Variants in BCAS3 observed in about 807,000 individuals in gnomAD.
BCAS3 encodes the protein BCAS4/BCAS3 fusion.
A neutral mutation model predicts 116.1 loss-of-function variants in BCAS3; 53 were observed. The ratio of observed to expected loss-of-function variants is 0.46; its 90% confidence interval spans 0.37 to 0.57. BCAS3 has a LOEUF of 0.57. BCAS3 is among the 20% of genes least tolerant of loss of function. The pLI is 0.00. For synonymous variants in BCAS3, 391 were observed against 408.2 expected (o/e 0.96, Z 0.51); for missense variants, 917 against 1,165.4 (o/e 0.79, Z 3.10).
chr17:60,988,338 C>CTTTTTTTTTTTTTTTTTTTTTTTTTGT (rs71148317), intron 14 of BCAS3, among the ~76,000 whole-genome samples: 1 of 66,784 alleles, frequency 1.5e-5, no homozygotes, highest in African/African-American at 5.1e-5. Context: ...TTTTCTTTTT[C>CTTTTTTTTTTTTTTTTTTTTTTTTTGT]TTTTTTTTTT....
chr17:61,230,142 TACACACACACACAC>T (rs58423435), intron 22 of BCAS3, among the ~76,000 whole-genome samples: 6 of 149,942 alleles, frequency 4.0e-5, no homozygotes, highest in Admixed American at 1.3e-4. Context: ...AGTGTGTGTA[TACACACACACACAC>T]ACACACACAC....
At chr17:61,061,601 AC>A (rs1378473663) in intron 19 of BCAS3, among the ~76,000 whole-genome samples, 1 of 152,226 alleles carries the variant, frequency 6.6e-6, no homozygotes, top group African/African-American at 2.4e-5. Flanking sequence ...ATTTACCTTT[AC>A]AACATCAATT....
chr17:61,114,521 A>C (rs1490971072), intron 22 of BCAS3, among the ~76,000 whole-genome samples: 2 of 151,056 alleles, frequency 1.3e-5, no homozygotes, highest in African/African-American at 2.4e-5. Flanking sequence ...ACCTAGGAAT[A>C]CAACTTACAA....
intron 22 of BCAS3, among the ~76,000 whole-genome samples, chr17:61,085,847 A>G (rs576183271): frequency 7.9e-5 from 12 of 152,324 alleles, no homozygotes; most frequent in African/African-American, 2.4e-4. Context: ...CTCGTTTGGA[A>G]TGATCGTTTA....
rs73990987 is a variant in BCAS3 at position 60,798,672 on chromosome 17, A to G, written c.404-9332A>G. Among the ~76,000 whole-genome samples the G allele has an allele frequency of 3.5e-3, 537 of 152,320 alleles. 4 individuals are homozygous for G. The highest frequency in any genetic ancestry group is 0.012 in the African/African-American group (507 of 41,556). Reference sequence around the variant, plus strand: ...TTGTGTGCAGGTTTTTGTGCGGACAAACGTCTTCAGTTCATTTTCGTAATT... The same window carrying G: ...TTGTGTGCAGGTTTTTGTGCGGACAGACGTCTTCAGTTCATTTTCGTAATT... On this transcript the variant is annotated intron_variant, in intron 6 of 23. Transcript: ENST00000407086.
intron 4 of BCAS3, among the ~76,000 whole-genome samples, chr17:60,703,503 A>C (rs1272110825): frequency 4.6e-5 from 7 of 152,018 alleles, no homozygotes; most frequent in African/African-American, 7.2e-5. Flanking sequence ...CAGAGGTTGC[A>C]GTGAGCTGAG....
Position 61,017,728 on chromosome 17 carries a change from G to C in BCAS3, c.1637+1827G>C, listed in dbSNP as rs149200897. On this transcript the variant is annotated intron_variant, in intron 16 of 23. Coordinates refer to ENST00000407086, the MANE Select transcript of BCAS3 (RefSeq NM_017679.5). The surrounding 1 kb of genome is among the most constrained non-coding windows in gnomAD (Gnocchi z 4.7). ...TTTAATTCATAATATTTATGGTGAG[G>C]GGTAGGAAGTGAGTCTGCTTTTTTA... Among the ~76,000 whole-genome samples, 616 of 152,176 alleles carry C rather than the reference G, an allele frequency of 4.0e-3. 5 individuals carry two copies. Among genetic ancestry groups the C allele is most frequent in the African/African-American group, 0.014 (595 of 41,524 alleles).
intron 22 of BCAS3, among the ~76,000 whole-genome samples, chr17:61,193,757 C>CA (rs59810014): frequency 0.015 from 760 of 52,312 alleles, 42 homozygotes; most frequent in African/African-American, 0.025. Context: ...AACTCCATCT[C>CA]AAAAAAAAAA....
At chr17:60,898,901 G>T (rs1166805064) in intron 10 of BCAS3, among the ~76,000 whole-genome samples, 1 of 152,142 alleles carries the variant, frequency 6.6e-6, no homozygotes, top group Non-Finnish European at 1.5e-5. Context: ...TTGCAGGTAG[G>T]TGCCAGCTTT....
At chr17:60,773,805 G>T (rs868766090) in intron 6 of BCAS3, among the ~76,000 whole-genome samples, 1 of 152,040 alleles carries the variant, frequency 6.6e-6, no homozygotes, top group Non-Finnish European at 1.5e-5. Flanking sequence ...ACGCCACCAT[G>T]CCTGGCTAAT....
intron 6 of BCAS3, among the ~76,000 whole-genome samples, chr17:60,760,681 G>A (rs8082246): frequency 0.26 from 40,114 of 151,836 alleles, 11,180 homozygotes; most frequent in African/African-American, 0.71. Flanking sequence ...ATAAAGTGCC[G>A]TGGAGGAAGA....
intron 5 of BCAS3, among the ~76,000 whole-genome samples, chr17:60,730,743 A>G (rs2040379098): frequency 6.6e-6 from 1 of 152,346 alleles, no homozygotes; most frequent in South Asian, 2.1e-4. Context: ...TGTTAGAGAA[A>G]AAAAGGCCTG....
At chr17:61,044,708 G>C (rs1333301904) in intron 19 of BCAS3, among the ~76,000 whole-genome samples, 1 of 151,458 alleles carries the variant, frequency 6.6e-6, no homozygotes, top group Non-Finnish European at 1.5e-5. Flanking sequence ...CTTGATAAAT[G>C]TAGATATCAA....
chr17:60,681,661 C>G (rs562550720), intron 2 of BCAS3, among the ~76,000 whole-genome samples: 103 of 150,942 alleles, frequency 6.8e-4, no homozygotes, highest in African/African-American at 2.4e-3. Context: ...AAATGATTCT[C>G]TTGCCTCAGC....
chr17:60,910,788 G>T, intron 12 of BCAS3, 86 bp downstream of exon 12: 1 of 1,217,648 alleles, frequency 8.2e-7, no homozygotes, highest in Non-Finnish European at 1.1e-6. Flanking sequence ...ATTTGGCCTA[G>T]GAGATTATCA....
intron 13 of BCAS3, among the ~76,000 whole-genome samples, chr17:60,945,576 G>A (rs1327159595): frequency 1.3e-5 from 2 of 152,204 alleles, no homozygotes; most frequent in Non-Finnish European, 2.9e-5. Context: ...TGAGGTAGGC[G>A]GATCTCTTGA....
intron 6 of BCAS3, among the ~76,000 whole-genome samples, chr17:60,750,491 T>A (rs574338494): frequency 3.9e-5 from 6 of 152,040 alleles, no homozygotes; most frequent in African/African-American, 9.6e-5. Flanking sequence ...GAAAAAAAAA[T>A]AAAAGACATA....
At chr17:60,895,230 A>C (rs1434613121) in intron 10 of BCAS3, among the ~76,000 whole-genome samples, 1 of 152,056 alleles carries the variant, frequency 6.6e-6, no homozygotes, top group Non-Finnish European at 1.5e-5. Context: ...ACTCACTCTC[A>C]CTACTCATTA....
intron 22 of BCAS3, among the ~76,000 whole-genome samples, chr17:61,277,157 A>C (rs1440022123): frequency 1.3e-5 from 2 of 151,850 alleles, no homozygotes; most frequent in East Asian, 3.9e-4. Flanking sequence ...CTAGTAACTC[A>C]AAAGGCTGAG....
Sources: gnomAD v4.1 joint callset for allele counts (sites outside exome capture counted in the v4.1 genomes callset) on GRCh38, gnomAD v4.1.1 for gene constraint, Gnocchi (gnomAD v3.1) non-coding constraint, MANE v1.5 for transcripts, NCBI Gene and HGNC (gene_info 2026-07-23, HGNC 2026-07-21) for gene names.